The following ST6GALNAC1 variants were observed in gnomAD, a reference collection of about 807,000 sequenced individuals.
ST6GALNAC1 encodes alpha-N-acetylgalactosaminide alpha-2,6-sialyltransferase 1.
In ST6GALNAC1, 45 loss-of-function variants were observed where a neutral mutation model predicts 56.8. That is an observed-to-expected ratio of 0.79 (90% CI 0.62 to 1.02). The LOEUF (loss-of-function observed/expected upper bound fraction) is 1.02, where lower values mean the gene tolerates loss of function less well. Ranked by LOEUF, ST6GALNAC1 falls within the 50% of genes least tolerant of loss-of-function variation. The pLI, the probability that ST6GALNAC1 is intolerant of heterozygous loss-of-function variation, is 0.00. For missense variants in ST6GALNAC1, 743 were observed against 754.8 expected (o/e 0.98, Z 0.18); for synonymous variants, 295 against 297.8 (o/e 0.99, Z 0.10).
chr17:76,643,638 T>TGGTGGTG lies in ST6GALNAC1; in HGVS notation c.-7_-1dup, dbSNP rs2076078901. 1 of 1,613,734 alleles carries TGGTGGTG rather than the reference T, an allele frequency of 6.2e-7. No homozygotes were observed. Among genetic ancestry groups the TGGTGGTG allele is most frequent in the Non-Finnish European group, 8.5e-7 (1 of 1,179,840 alleles). On this transcript the variant is annotated 5_prime_UTR_variant, in exon 1 of 9. Coordinates refer to ENST00000156626, the MANE Select transcript of ST6GALNAC1 (RefSeq NM_018414.5). ...CTGCATCTCCACAGGCAGGACCTCA[T>TGGTGGTG]GGTGGTGGGTCGGGTTCTAGAGGAA...
downstream of ST6GALNAC1, among the ~76,000 whole-genome samples, chr17:76,622,638 T>C (rs547520884): frequency 5.3e-5 from 8 of 151,978 alleles, no homozygotes; most frequent in African/African-American, 9.6e-5. Context: ...GCTGGGATTA[T>C]AGGCGTGAGC....
chr17:76,636,028 T>A (rs1015490785), intron 1 of ST6GALNAC1, among the ~76,000 whole-genome samples: 4 of 152,162 alleles, frequency 2.6e-5, no homozygotes, highest in African/African-American at 9.7e-5. Context: ...TTATGAATTA[T>A]TTTTATTTTT....
At chr17:76,625,586 C>A (rs2075785208) in intron 8 of ST6GALNAC1, 59 bp from the exon 9 acceptor site, 1 of 1,583,980 alleles carries the variant, frequency 6.3e-7, no homozygotes, top group African/African-American at 1.3e-5. Context: ...GGCTTCTTCT[C>A]ATGGCTAATT....
At chr17:76,642,347 C>T (rs1376183932) in intron 1 of ST6GALNAC1, among the ~76,000 whole-genome samples, 2 of 152,092 alleles carry the variant, frequency 1.3e-5, no homozygotes, top group Admixed American at 6.6e-5. Flanking sequence ...AGCAGGGTGA[C>T]CTTGGGAGAA....
chr17:76,631,671 C>T (rs974162039), intron 1 of ST6GALNAC1, among the ~76,000 whole-genome samples: 1 of 152,096 alleles, frequency 6.6e-6, no homozygotes, highest in Non-Finnish European at 1.5e-5. Flanking sequence ...AAGATGGCCA[C>T]CCCATAACAC....
rs2143422447 is a variant in ST6GALNAC1 at position 76,627,368 on chromosome 17, C to T, written c.1000+47G>A. On this transcript the variant is annotated intron_variant, in intron 3 of 8. Coordinates refer to ENST00000156626, the MANE Select transcript of ST6GALNAC1 (RefSeq NM_018414.5). This position sits in a 1 kb window ranked among gnomAD's most constrained non-coding sequence, Gnocchi z 4.4. ...AAAGCCAGCTGCCCTCTGCCCTCTG[C>T]CCCGGCCTACTGCGCACCCACACCT... is the stretch of plus-strand genomic sequence containing the variant. 2.5e-6 allele frequency: 4 copies of T among 1,606,940 alleles called. No homozygotes were observed. In the Middle Eastern group the frequency reaches 7.0e-4, roughly 281 times the overall value.
chr17:76,625,748 T>C (rs1598287478), intron 8 of ST6GALNAC1, 71 bp downstream of exon 8: 2 of 1,344,048 alleles, frequency 1.5e-6, no homozygotes, highest in Non-Finnish European at 2.0e-6. Flanking sequence ...CACTGTCCTA[T>C]GCTGAACAGG....
intron 4 of ST6GALNAC1, 112 bp from the exon 5 acceptor site, chr17:76,626,901 TC>T: frequency 6.6e-7 from 1 of 1,509,676 alleles, no homozygotes; most frequent in Non-Finnish European, 9.1e-7. Flanking sequence ...GTGCGGAAAT[TC>T]TCTCGAGAGC....
Position 76,629,319 on chromosome 17 carries a change from G to A in ST6GALNAC1, c.524C>T (p.Thr175Met), listed in dbSNP as rs138569950. 5.8e-5 allele frequency: 93 copies of A among 1,614,192 alleles called. No individual in the cohort carries two copies. Among genetic ancestry groups the A allele is most frequent in the East Asian group, 4.7e-4 (21 of 44,884 alleles). ...CTTCTCTGACACCGTCCTGGAGGCC[G>A]TCAGCTTCCTGGTCTGGCCCCCATT... ...QGNGGQTRKL[T>M]ASRTVSEKHQ... The change falls in exon 2 of 9, where the codon ACG (threonine) becomes ATG (methionine). Residue 175 changes from threonine to methionine, a missense_variant. Transcript: ENST00000156626.
At position 76,638,384 on chromosome 17, in the gene ST6GALNAC1, A is replaced by T. The variant is rs538888976; in HGVS notation, c.131+5124T>A. On this transcript the variant is annotated intron_variant, in intron 1 of 8. Coordinates refer to ENST00000156626, the MANE Select transcript of ST6GALNAC1 (RefSeq NM_018414.5). ...TTGAAATCATAGAATTGTATTTTTTATTTTTTTTTTGAGACAGAGTCTTGC... is the reference window on the plus strand; with the variant it reads ...TTGAAATCATAGAATTGTATTTTTTTTTTTTTTTTTGAGACAGAGTCTTGC... Among the ~76,000 whole-genome samples, 76 of 148,930 alleles carry T rather than the reference A, an allele frequency of 5.1e-4. 1 individual carries two copies. The East Asian group carries it at 0.012, about 23-fold the overall frequency.
At position 76,627,077 on chromosome 17, in the gene ST6GALNAC1, A is replaced by AGTC; in HGVS notation, c.1159_1161dup (p.Asp387dup). The AGTC allele has an allele frequency of 6.4e-7, 1 of 1,551,270 alleles. No individual in the cohort carries two copies. Among genetic ancestry groups the AGTC allele is most frequent in the Non-Finnish European group, 8.7e-7 (1 of 1,150,052 alleles). ...GTGGGGACAGCTTACCGGAACACGT[A>AGTC]GTCGTGACTGTCTATCTCCTGGCCC... is the stretch of plus-strand genomic sequence containing the variant. On this transcript the variant is annotated inframe_insertion, in exon 4 of 9. Transcript: ENST00000156626. The surrounding 1 kb of genome is among the most constrained non-coding windows in gnomAD (Gnocchi z 4.4).
intron 1 of ST6GALNAC1, among the ~76,000 whole-genome samples, chr17:76,638,556 C>G (rs573793506): frequency 1.3e-5 from 2 of 152,010 alleles, no homozygotes; most frequent in East Asian, 3.9e-4. Flanking sequence ...CCACGCCTGG[C>G]TAACTTTTGT....
chr17:76,637,681 G>A (rs529378182), intron 1 of ST6GALNAC1: 16 of 399,002 alleles, frequency 4.0e-5, no homozygotes, highest in South Asian at 3.8e-4. Flanking sequence ...AAGGGTCAGC[G>A]TCCCACTCCC....
intron 4 of ST6GALNAC1, 82 bp from the exon 5 acceptor site, chr17:76,626,871 AT>A (rs2143418442): frequency 6.4e-7 from 1 of 1,566,988 alleles, no homozygotes; most frequent in South Asian, 1.1e-5. Context: ...GGAAGGAGAA[AT>A]GGGGGAGGCA....
chr17:76,628,947 G>T (rs1436688860), intron 2 of ST6GALNAC1, 65 bp downstream of exon 2: 1 of 1,430,596 alleles, frequency 7.0e-7, no homozygotes, highest in African/African-American at 1.4e-5. Context: ...GGGTGGGCTG[G>T]GCTTCCTCTC....
In ST6GALNAC1 at chr17:76,643,634, C is replaced by T. The variant is rs748079375; in HGVS notation, c.5G>A (p.Arg2Lys). ...GTGCCTGCATCTCCACAGGCAGGAC[C>T]TCATGGTGGTGGGTCGGGTTCTAGA... Reference protein sequence around the residue: MRSCLWRCRHLS... With the variant: MKSCLWRCRHLS... Residue 2 changes from arginine (R) to lysine (K), a missense_variant, in exon 1 of 9, where the codon AGG (arginine) becomes AAG (lysine). Transcript: ENST00000156626. The T allele has an allele frequency of 6.2e-7, 1 of 1,613,926 alleles. No homozygotes were observed. Among genetic ancestry groups the T allele is most frequent in the Non-Finnish European group, 8.5e-7 (1 of 1,179,892 alleles).
chr17:76,625,304 G>A lies in ST6GALNAC1; in HGVS notation c.*26C>T, dbSNP rs1340260353. On this transcript the variant is annotated 3_prime_UTR_variant, in exon 9 of 9. Coordinates refer to ENST00000156626, the MANE Select transcript of ST6GALNAC1 (RefSeq NM_018414.5). ...GTATCCTGTGCCTTGGAGCAGGCAA[G>A]GAGACCATGGCAGCCCTGGCCCCGG... The A allele has an allele frequency of 1.2e-6, 2 of 1,608,224 alleles. No individual in the cohort carries two copies. The highest frequency in any genetic ancestry group is 2.2e-5 in the South Asian group (2 of 90,180).
chr17:76,632,809 G>A (rs2075922719), intron 1 of ST6GALNAC1, among the ~76,000 whole-genome samples: 1 of 152,106 alleles, frequency 6.6e-6, no homozygotes, highest in South Asian at 2.1e-4. Context: ...TAGTCCAGAG[G>A]CACAGGCAAA....
intron 1 of ST6GALNAC1, among the ~76,000 whole-genome samples, chr17:76,638,744 T>TAAA (rs1459624034): frequency 1.3e-4 from 20 of 152,126 alleles, no homozygotes; most frequent in African/African-American, 4.8e-4. Context: ...CATGCCCGGC[T>TAAA]AATTTTTGTA....
Sources: gnomAD v4.1 joint callset for allele counts (sites outside exome capture counted in the v4.1 genomes callset) on GRCh38, gnomAD v4.1.1 for gene constraint, Gnocchi (gnomAD v3.1) non-coding constraint, MANE v1.5 for transcripts, NCBI Gene and HGNC (gene_info 2026-07-23, HGNC 2026-07-21) for gene names.